Variants in PKNOX2 observed in about 807,000 individuals in gnomAD.
The protein encoded by PKNOX2 is homeobox protein PKNOX2.
In PKNOX2, 14 loss-of-function variants were observed where a neutral mutation model predicts 53.1. The observed-to-expected ratio is 0.26, with a 90% CI of 0.17 to 0.41. The LOEUF is 0.41. Among genes scored for constraint, PKNOX2 ranks in the 10% least tolerant of loss-of-function variants. The probability of loss-of-function intolerance (pLI) is 1.00; values close to 1 mark genes in which losing one functional copy is unlikely to be tolerated. For synonymous variants in PKNOX2, 257 were observed against 242.8 expected (o/e 1.06, Z -0.54); for missense variants, 496 against 602.8 (o/e 0.82, Z 1.85).
At chr11:125,428,689 G>C (rs1184840953) in intron 10 of PKNOX2, among the ~76,000 whole-genome samples, 3 of 152,222 alleles carry the variant, frequency 2.0e-5, no homozygotes, top group African/African-American at 7.2e-5. Context: ...GGGGGCGGCA[G>C]TGAGGATCAA....
chr11:125,413,366 A>G (rs7104304), intron 10 of PKNOX2, among the ~76,000 whole-genome samples: 68,136 of 152,038 alleles, frequency 0.45, 16,026 homozygotes, highest in Middle Eastern at 0.61. Flanking sequence ...CCTGCCTTTC[A>G]GGTTTTCCAA....
intron 2 of PKNOX2, among the ~76,000 whole-genome samples, chr11:125,245,722 G>A (rs1943509650): frequency 6.6e-6 from 1 of 152,206 alleles, no homozygotes; most frequent in African/African-American, 2.4e-5. Context: ...ATGGGGCAGG[G>A]AGCAAAAGGA....
intron 4 of PKNOX2, among the ~76,000 whole-genome samples, chr11:125,356,428 A>T (rs964163260): frequency 6.6e-6 from 1 of 152,140 alleles, no homozygotes; most frequent in African/African-American, 2.4e-5. Flanking sequence ...GGCAGTTAGA[A>T]CTCGTAGTTG....
At chr11:125,252,638 G>A (rs1014858657) in intron 2 of PKNOX2, among the ~76,000 whole-genome samples, 5 of 152,116 alleles carry the variant, frequency 3.3e-5, no homozygotes, top group Non-Finnish European at 7.4e-5. Flanking sequence ...GGCAACTGGT[G>A]AATGTTGAGT....
chr11:125,202,919 T>G (rs1223549761), intron 1 of PKNOX2, among the ~76,000 whole-genome samples: 2 of 152,212 alleles, frequency 1.3e-5, no homozygotes, highest in Non-Finnish European at 2.9e-5. Context: ...TAAAAAACCT[T>G]TCATTATGAG....
chr11:125,431,974 G>A lies in PKNOX2; in HGVS notation c.*582G>A, dbSNP rs1354064358. 1.3e-5 allele frequency: 2 copies of A among 153,952 alleles called. No homozygotes were observed. The highest frequency in any genetic ancestry group is 1.4e-5 in the Non-Finnish European group (1 of 69,284). The allele number at this position is 153,952 out of a possible 1,614,324, so 9.5% of individuals were successfully genotyped here. Reference sequence around the variant, plus strand: ...ATCAGAATGGGATGGAATCCACCAGGCTCCAGCTCATCCCTCCAAGGCCCT... The same window carrying A: ...ATCAGAATGGGATGGAATCCACCAGACTCCAGCTCATCCCTCCAAGGCCCT... On this transcript the variant is annotated 3_prime_UTR_variant, in exon 13 of 13. Transcript: ENST00000298282.
At chr11:125,300,229 T>A (rs1318811978) in intron 2 of PKNOX2, among the ~76,000 whole-genome samples, 1 of 152,240 alleles carries the variant, frequency 6.6e-6, no homozygotes, top group African/African-American at 2.4e-5. Context: ...GACTTCTCTT[T>A]TTCTACCCTC....
rs530182600 is a variant in PKNOX2, at chr11:125,402,660, G to A, written c.588+4598G>A. On this transcript the variant is annotated intron_variant, in intron 7 of 12. Coordinates refer to ENST00000298282, the MANE Select transcript of PKNOX2 (RefSeq NM_001382323.2). ...AGGATCTAGATAAATCATGTCAGCC[G>A]TGAAATGCTCAGGGTCAAGAGTACA... Among the ~76,000 whole-genome samples the A allele has an allele frequency of 4.6e-5, 7 of 152,278 alleles. No homozygotes were observed. In the South Asian group the frequency reaches 8.3e-4, roughly 18 times the overall value.
At chr11:125,230,685 T>C (rs7123905) in intron 1 of PKNOX2, among the ~76,000 whole-genome samples, 3,867 of 152,300 alleles carry the variant, frequency 0.025, 160 homozygotes, top group African/African-American at 0.088. Context: ...TCATGGGCAG[T>C]AGGATGAATG....
At chr11:125,336,677 A>G (rs1228119233) in intron 3 of PKNOX2, among the ~76,000 whole-genome samples, 1 of 147,534 alleles carries the variant, frequency 6.8e-6, no homozygotes, top group Admixed American at 6.8e-5. Context: ...TGTAATGTAT[A>G]CTCTGTAGTA....
rs369979558 is a variant in PKNOX2, at chr11:125,176,150, C to T, written c.-201+11374C>T. On this transcript the variant is annotated intron_variant, in intron 1 of 12. Coordinates refer to ENST00000298282, the MANE Select transcript of PKNOX2 (RefSeq NM_001382323.2). Reference sequence around the variant, plus strand: ...CAATTCAAGCTTAGAGTCAACCAACCGGAATTGGGGCCTCCAAAGTGCTCG... The same window carrying T: ...CAATTCAAGCTTAGAGTCAACCAACTGGAATTGGGGCCTCCAAAGTGCTCG... Among the ~76,000 whole-genome samples the T allele has an allele frequency of 1.6e-4, 25 of 152,210 alleles. No homozygotes were observed. In the East Asian group the frequency reaches 1.7e-3, roughly 11 times the overall value.
intron 1 of PKNOX2, among the ~76,000 whole-genome samples, chr11:125,203,954 A>G (rs939764353): frequency 2.0e-5 from 3 of 152,148 alleles, no homozygotes; most frequent in Admixed American, 6.5e-5. Flanking sequence ...ATCTGAGTAG[A>G]GAGAAGTACA....
intron 1 of PKNOX2, among the ~76,000 whole-genome samples, chr11:125,226,406 T>A (rs897873344): frequency 3.3e-5 from 5 of 152,150 alleles, no homozygotes; most frequent in Non-Finnish European, 7.3e-5. Flanking sequence ...TTCCAGGGAT[T>A]TGTGGACTGC....
chr11:125,349,877 A>ACACCCG (rs1555160517), intron 3 of PKNOX2, among the ~76,000 whole-genome samples: 2 of 149,602 alleles, frequency 1.3e-5, no homozygotes, highest in African/African-American at 5.0e-5. Flanking sequence ...ACACACACAC[A>ACACCCG]GCCCTGGAGG....
At chr11:125,287,574 C>T (rs1946989131) in intron 2 of PKNOX2, among the ~76,000 whole-genome samples, 1 of 152,178 alleles carries the variant, frequency 6.6e-6, no homozygotes, top group African/African-American at 2.4e-5. Context: ...GTCACTCCCT[C>T]CCAGCTCCTT....
intron 2 of PKNOX2, among the ~76,000 whole-genome samples, chr11:125,235,670 T>C (rs1004413451): frequency 6.6e-6 from 1 of 152,244 alleles, no homozygotes; most frequent in Non-Finnish European, 1.5e-5. Flanking sequence ...TACCCACCTG[T>C]GGGACCCGGC....
intron 1 of PKNOX2, among the ~76,000 whole-genome samples, chr11:125,215,945 C>T (rs1940447331): frequency 6.6e-6 from 1 of 152,128 alleles, no homozygotes; most frequent in Admixed American, 6.5e-5. Context: ...TTGCCAACAT[C>T]AGAGAAGCCA....
chr11:125,283,441 C>T (rs541181550), intron 2 of PKNOX2, among the ~76,000 whole-genome samples: 2 of 152,318 alleles, frequency 1.3e-5, no homozygotes, highest in Non-Finnish European at 2.9e-5. Context: ...TCCTCCTCTC[C>T]TGTACTTCAA....
intron 1 of PKNOX2, among the ~76,000 whole-genome samples, chr11:125,176,718 C>T (rs1390680654): frequency 6.6e-6 from 1 of 152,174 alleles, no homozygotes; most frequent in Non-Finnish European, 1.5e-5. Context: ...AGTTGACCAA[C>T]CCCTTCTTCC....
Sources: gnomAD v4.1 joint callset for allele counts (sites outside exome capture counted in the v4.1 genomes callset) on GRCh38, gnomAD v4.1.1 for gene constraint, MANE v1.5 for transcripts, NCBI Gene and HGNC (gene_info 2026-07-23, HGNC 2026-07-21) for gene names.